Variants in ZNF609 observed in about 807,000 individuals in gnomAD.
ZNF609 encodes the protein zinc finger protein 609.
ZNF609 carries 11 observed loss-of-function variants against 109.5 expected under a neutral mutation model. The observed-to-expected ratio is 0.10, with a 90% CI of 0.06 to 0.17. The LOEUF is 0.17. Ranked by LOEUF, ZNF609 falls within the 10% of genes least tolerant of loss-of-function variation. The pLI is 1.00. For synonymous variants in ZNF609, 646 were observed against 662.0 expected (o/e 0.98, Z 0.37); for missense variants, 1,559 against 1,772.4 (o/e 0.88, Z 2.16).
chr15:64,507,195 C>A lies in ZNF609; in HGVS notation c.747+7029C>A, dbSNP rs901767092. On this transcript the variant is annotated intron_variant, in intron 2 of 9. Coordinates refer to ENST00000326648, the MANE Select transcript of ZNF609 (RefSeq NM_015042.2). Reference sequence around the variant, plus strand: ...GGTTTTGCCGGAATATGCAATCTCACGGACACTGGAGTAGTGCTAAGTGTT... The same window carrying A: ...GGTTTTGCCGGAATATGCAATCTCAAGGACACTGGAGTAGTGCTAAGTGTT... 2.6e-5 allele frequency among the ~76,000 whole-genome samples: 4 copies of A among 152,286 alleles called. No individual in the cohort carries two copies. In the East Asian group the frequency reaches 7.7e-4, roughly 29 times the overall value.
chr15:64,575,682 A>C (rs1414752176), intron 2 of ZNF609, among the ~76,000 whole-genome samples: 2 of 152,228 alleles, frequency 1.3e-5, no homozygotes, highest in Admixed American at 1.3e-4. Flanking sequence ...TTGTATATTT[A>C]CAAAAAGGTT....
chr15:64,486,847 C>T (rs654820), intron 1 of ZNF609, among the ~76,000 whole-genome samples: 112,858 of 152,082 alleles, frequency 0.74, 45,428 homozygotes, highest in East Asian at 0.96. Context: ...GTAATCTGTC[C>T]GCCTTGGCCT....
At chr15:64,475,367 G>A (rs1282925667) in intron 1 of ZNF609, among the ~76,000 whole-genome samples, 1 of 139,878 alleles carries the variant, frequency 7.1e-6, no homozygotes, top group South Asian at 2.3e-4. Context: ...TGGGATCTCT[G>A]TTGTAGTACT....
intron 2 of ZNF609, among the ~76,000 whole-genome samples, chr15:64,523,707 G>A (rs1409866494): frequency 1.3e-5 from 2 of 151,376 alleles, no homozygotes; most frequent in African/African-American, 2.4e-5. Flanking sequence ...AGATTGAAGT[G>A]AGCAGAGATC....
intron 2 of ZNF609, among the ~76,000 whole-genome samples, chr15:64,592,503 A>G (rs902935643): frequency 1.3e-5 from 2 of 152,220 alleles, no homozygotes; most frequent in South Asian, 2.1e-4. Flanking sequence ...GCTTCAACCC[A>G]GAAGGTGGAG....
At chr15:64,555,259 C>T (rs1375012702) in intron 2 of ZNF609, among the ~76,000 whole-genome samples, 1 of 151,840 alleles carries the variant, frequency 6.6e-6, no homozygotes, top group East Asian at 1.9e-4. Flanking sequence ...CCCAGCTACT[C>T]CAGAGGCTGA....
intron 2 of ZNF609, among the ~76,000 whole-genome samples, chr15:64,512,719 A>T (rs944195304): frequency 1.3e-5 from 2 of 152,270 alleles, no homozygotes; most frequent in East Asian, 3.9e-4. Context: ...TGGGGTATAA[A>T]GTATTTCCTT....
At position 64,564,191 on chromosome 15, in the gene ZNF609, G is replaced by A. The variant is rs564392996; in HGVS notation, c.748-58636G>A. 4.6e-5 allele frequency among the ~76,000 whole-genome samples: 7 copies of A among 151,732 alleles called. No individual in the cohort carries two copies. In the East Asian group the frequency reaches 1.2e-3, roughly 25 times the overall value. Reference sequence around the variant, plus strand: ...TGGCTGCTACAAAGTTAGGCACTTCGTAGCTGTGTTGGTTATCAGATCAAA... The same window carrying A: ...TGGCTGCTACAAAGTTAGGCACTTCATAGCTGTGTTGGTTATCAGATCAAA... On this transcript the variant is annotated intron_variant, in intron 2 of 9. Coordinates refer to ENST00000326648, the MANE Select transcript of ZNF609 (RefSeq NM_015042.2).
At chr15:64,515,598 C>A (rs568773210) in intron 2 of ZNF609, among the ~76,000 whole-genome samples, 12 of 152,110 alleles carry the variant, frequency 7.9e-5, no homozygotes, top group African/African-American at 2.9e-4. Flanking sequence ...GACTTAAAGG[C>A]TTAAAATAAT....
At chr15:64,488,101 G>A (rs571347906) in intron 1 of ZNF609, among the ~76,000 whole-genome samples, 3 of 152,264 alleles carry the variant, frequency 2.0e-5, no homozygotes, top group South Asian at 4.1e-4. Context: ...CTAGGAATAC[G>A]CAGAAATGGT....
intron 3 of ZNF609, among the ~76,000 whole-genome samples, chr15:64,667,084 T>G (rs1896659380): frequency 6.6e-6 from 1 of 151,972 alleles, no homozygotes; most frequent in Non-Finnish European, 1.5e-5. Context: ...GAGCCGAGAT[T>G]CGTGCCACTG....
chr15:64,553,085 G>A (rs1894511255), intron 2 of ZNF609, among the ~76,000 whole-genome samples: 1 of 152,194 alleles, frequency 6.6e-6, no homozygotes, highest in East Asian at 1.9e-4. Context: ...TAGATGTGTG[G>A]TTCTATTTCT....
At chr15:64,550,318 GTTGTTA>G (rs1042894662) in intron 2 of ZNF609, among the ~76,000 whole-genome samples, 2 of 131,834 alleles carry the variant, frequency 1.5e-5, no homozygotes, top group Non-Finnish European at 3.4e-5. Context: ...GGGGTTTGTT[GTTGTTA>G]TTGTTGTTGT....
intron 2 of ZNF609, among the ~76,000 whole-genome samples, chr15:64,602,824 G>A (rs562916830): frequency 2.8e-3 from 370 of 132,110 alleles, no homozygotes; most frequent in Non-Finnish European, 4.5e-3. Flanking sequence ...CTGGGTTCAC[G>A]CCATTCTCCT....
At chr15:64,475,167 T>TA (rs1029678334) in intron 1 of ZNF609, among the ~76,000 whole-genome samples, 1 of 147,920 alleles carries the variant, frequency 6.8e-6, no homozygotes, top group Non-Finnish European at 1.5e-5. Context: ...CTCCATTTCT[T>TA]AGGGTTTTTT....
intron 3 of ZNF609, among the ~76,000 whole-genome samples, chr15:64,649,091 G>A (rs1025440498): frequency 2.0e-5 from 3 of 151,994 alleles, no homozygotes; most frequent in Non-Finnish European, 4.4e-5. Context: ...ATTTTTAAAT[G>A]TAAGCCCAAT....
At position 64,590,792 on chromosome 15, in the gene ZNF609, A is replaced by G. The variant is rs1204761466; in HGVS notation, c.748-32035A>G. 3.3e-5 allele frequency among the ~76,000 whole-genome samples: 5 copies of G among 152,112 alleles called. No homozygotes were observed. The East Asian group carries it at 9.7e-4, about 29-fold the overall frequency. ...GATAAGAGCAGTAGCTTTCAATGTCAGTTTACAAGGTAATGGTTATACTAA... is the reference window on the plus strand; with the variant it reads ...GATAAGAGCAGTAGCTTTCAATGTCGGTTTACAAGGTAATGGTTATACTAA... On this transcript the variant is annotated intron_variant, in intron 2 of 9. Transcript: ENST00000326648.
Position 64,674,747 on chromosome 15 carries a change from T to C in ZNF609, c.1893T>C (p.Cys631=), listed in dbSNP as rs1171928233. The C allele has an allele frequency of 1.2e-6, 2 of 1,613,950 alleles. No homozygotes were observed. Among genetic ancestry groups the C allele is most frequent in the African/African-American group, 2.7e-5 (2 of 74,966 alleles). Residue 631 remains cysteine (C), a synonymous_variant, in exon 5 of 10, where the codon TGT becomes TGC. Coordinates refer to ENST00000326648, the MANE Select transcript of ZNF609 (RefSeq NM_015042.2). ...NDAFDSLERK[C]MEKEKCKKPS... Reference sequence around the variant, plus strand: ...CCTTTGATTCTTTAGAAAGGAAGTGTATGGAAAAAGAAAAATGTAAAAAAC... The same window carrying C: ...CCTTTGATTCTTTAGAAAGGAAGTGCATGGAAAAAGAAAAATGTAAAAAAC...
intron 2 of ZNF609, chr15:64,528,832 C>A: frequency 1.2e-6 from 1 of 844,740 alleles, no homozygotes. Context: ...CGAAGGAGAC[C>A]ATCTGGTGCT....
Sources: gnomAD v4.1 joint callset for allele counts (sites outside exome capture counted in the v4.1 genomes callset) on GRCh38, gnomAD v4.1.1 for gene constraint, MANE v1.5 for transcripts, NCBI Gene and HGNC (gene_info 2026-07-23, HGNC 2026-07-21) for gene names.